Variants in HERC2 observed in about 807,000 individuals in gnomAD.
HERC2 encodes the protein HECT and RLD domain containing E3 ubiquitin protein ligase 2, also known as E3 ubiquitin-protein ligase HERC2.
In HERC2, 102 loss-of-function variants were observed where a neutral mutation model predicts 537.7. The observed-to-expected ratio is 0.19, with a 90% CI of 0.16 to 0.22. HERC2 has a LOEUF of 0.22. HERC2 is among the 10% of genes least tolerant of loss of function. HERC2 has a pLI of 1.00. For synonymous variants in HERC2, 2,224 were observed against 2,466.2 expected, an observed-to-expected ratio of 0.90 and a Z score of 2.91; for missense variants, 4,236 against 6,198.2, an observed-to-expected ratio of 0.68 and a Z score of 10.63.
rs1901605604 is a variant in HERC2, at chr15:28,229,512, A to G, written c.5068T>C (p.Tyr1690His). The G allele has an allele frequency of 6.2e-7, 1 of 1,613,884 alleles. No homozygotes were observed. Among genetic ancestry groups the G allele is most frequent in the East Asian group, 2.2e-5 (1 of 44,888 alleles). Residue 1690 changes from tyrosine (Y) to histidine (H), a missense_variant, in exon 33 of 93, where the codon TAT becomes CAT. By Grantham distance (83) the Tyr-to-His change is moderately conservative. Coordinates refer to ENST00000261609, the MANE Select transcript of HERC2 (RefSeq NM_004667.6). ...SKNFLLPSVQ[Y>H]AMFCGWQRLI... ...CTTTGCCATCCACAAAACATCGCATACTGCACAGATGGAAGTAAGAAATTC... is the reference window on the plus strand; with the variant it reads ...CTTTGCCATCCACAAAACATCGCATGCTGCACAGATGGAAGTAAGAAATTC...
chr15:28,246,115 G>T, intron 22 of HERC2, 49 bp from the exon 23 acceptor site: 1 of 1,255,492 alleles, frequency 8.0e-7, no homozygotes, highest in Non-Finnish European at 1.1e-6. Context: ...TCCTATAAAA[G>T]CTATTTGTAA....
At chr15:28,276,502 A>C (rs533545324) in intron 5 of HERC2, among the ~76,000 whole-genome samples, 190 of 152,280 alleles carry the variant, frequency 1.2e-3, no homozygotes, top group Middle Eastern at 6.8e-3. Context: ...TGGTCAGAGG[A>C]GGTGGGCCAG....
At chr15:28,261,496 A>G (rs930173120) in intron 15 of HERC2, among the ~76,000 whole-genome samples, 1 of 152,242 alleles carries the variant, frequency 6.6e-6, no homozygotes, top group Non-Finnish European at 1.5e-5. Context: ...AAATGTCAGT[A>G]TATAAAATAA....
chr15:28,229,238 A>C lies in HERC2; in HGVS notation c.5229T>G (p.Ile1743Met). 6.2e-7 allele frequency: 1 copy of C among 1,613,720 alleles called. No individual in the cohort carries two copies. The highest frequency in any genetic ancestry group is 8.5e-7 in the Non-Finnish European group (1 of 1,179,858). ...CACTGGCATCCATCAAAACATTTCG[A>C]ATGTTCTGTACAGCCCAAGCGTACA... ...GKLYAWAVQNIRNVLMDASAK... is the reference protein window; with the variant it reads ...GKLYAWAVQNMRNVLMDASAK... Residue 1743 changes from isoleucine to methionine, a missense_variant, in exon 34 of 93, where the codon ATT (isoleucine) becomes ATG (methionine). Physicochemically the swap from Ile to Met is conservative, Grantham distance 10. Around this residue, in one of 27 missense-constraint regions of HERC2, gnomAD observed 343 missense variants for 417.2 expected, o/e 0.82. Transcript: ENST00000261609.
chr15:28,128,554 T>C lies in HERC2; in HGVS notation c.12802+1609A>G, dbSNP rs141318794. The stretch of plus-strand genomic sequence containing the variant: ...GAAGTTGCTCATTCATCCATGAGCC[T>C]CTTCCCTCAATGAAATGATTAAAGG... On this transcript the variant is annotated intron_variant, in intron 83 of 92. Transcript: ENST00000261609. Among the ~76,000 whole-genome samples the C allele has an allele frequency of 4.1e-3, 632 of 152,356 alleles. 6 individuals are homozygous for C. The highest frequency in any genetic ancestry group is 0.014 in the African/African-American group (592 of 41,590).
At chr15:28,172,660 C>T (rs1894812998) in intron 65 of HERC2, among the ~76,000 whole-genome samples, 1 of 152,180 alleles carries the variant, frequency 6.6e-6, no homozygotes, top group Admixed American at 6.5e-5. Context: ...TACAAAACTT[C>T]TATAACAGAA....
intron 38 of HERC2, among the ~76,000 whole-genome samples, chr15:28,217,687 T>A (rs1198304246): frequency 1.3e-5 from 2 of 152,274 alleles, no homozygotes; most frequent in East Asian, 3.9e-4. Context: ...TCTGTAGACG[T>A]CATTAAGGTA....
chr15:28,311,136 G>C (rs898109036), intron 2 of HERC2, among the ~76,000 whole-genome samples: 2 of 131,004 alleles, frequency 1.5e-5, no homozygotes, highest in Non-Finnish European at 3.2e-5. Context: ...AAGAAAGGAT[G>C]ACAGTAGAAG....
At chr15:28,124,007 C>T in intron 85 of HERC2, 30 bp downstream of exon 85, 2 of 1,538,170 alleles carry the variant, frequency 1.3e-6, no homozygotes, top group Non-Finnish European at 1.8e-6. Context: ...ACACCAGTTT[C>T]CCCTAGAGCA....
chr15:28,201,305 G>T lies in HERC2; in HGVS notation c.7716+151C>A, dbSNP rs1897882882. ...TACACAGCACCTTCTAGCGTACCAT[G>T]AGCTCACTGGTCAGGTATGTCTTCC... On this transcript the variant is annotated intron_variant, in intron 48 of 92. Coordinates refer to ENST00000261609, the MANE Select transcript of HERC2 (RefSeq NM_004667.6). The T allele has an allele frequency of 6.4e-6, 4 of 628,090 alleles. No homozygotes were observed. In the East Asian group the frequency reaches 1.1e-4, roughly 17 times the overall value. The allele number at this position is 628,090 out of a possible 1,614,324, so 38.9% of individuals were successfully genotyped here. A position where few individuals can be genotyped will look rare whatever the true frequency, so the allele number is the denominator to read the frequency against.
intron 86 of HERC2, chr15:28,117,696 C>T (rs1888429369): frequency 1.3e-5 from 5 of 379,626 alleles, no homozygotes; most frequent in Admixed American, 1.2e-4. Flanking sequence ...CATCTGCTTC[C>T]ACCCATCCCA....
chr15:28,162,967 C>G lies in HERC2; in HGVS notation c.10746+127G>C. ...TTTGCTCTAAAGGAGTGCTCCTAAC[C>G]TGCAGTCTACTAGGATGAAACCCAG... On this transcript the variant is annotated intron_variant, in intron 69 of 92. Transcript: ENST00000261609. 6 of 763,042 alleles carry G rather than the reference C, an allele frequency of 7.9e-6. No individual in the cohort carries two copies. The East Asian group carries it at 1.5e-4, about 19-fold the overall frequency. 47.3% of individuals were successfully genotyped at this position (763,042 alleles called of 1,614,324 possible). A position where few individuals can be genotyped will look rare whatever the true frequency, so the allele number is the denominator to read the frequency against.
At chr15:28,317,392 G>A (rs536271174) in intron 2 of HERC2, among the ~76,000 whole-genome samples, 1 of 152,260 alleles carries the variant, frequency 6.6e-6, no homozygotes, top group Non-Finnish European at 1.5e-5. Context: ...CCCAGCCGAA[G>A]TGACAATATT....
intron 2 of HERC2, among the ~76,000 whole-genome samples, chr15:28,304,742 G>A (rs1394397425): frequency 7.1e-6 from 1 of 140,198 alleles, no homozygotes; most frequent in Non-Finnish European, 1.5e-5. Context: ...TAAGTTTTAG[G>A]GTACATGTGC....
At position 28,260,768 on chromosome 15, in the gene HERC2, A is replaced by G; in HGVS notation, c.2316+9T>C. On this transcript the variant is annotated intron_variant, in intron 16 of 92. Transcript: ENST00000261609. ...TCCAAAATACCAAATCAAGCTCTAT[A>G]TTCAGTACCTGGGCAGGCCCACAGG... is the stretch of plus-strand genomic sequence containing the variant. The G allele has an allele frequency of 1.2e-6, 2 of 1,611,940 alleles. No homozygotes were observed. The highest frequency in any genetic ancestry group is 1.7e-6 in the Non-Finnish European group (2 of 1,178,350).
chr15:28,244,795 A>T (rs1238717552), intron 23 of HERC2, among the ~76,000 whole-genome samples: 3 of 152,168 alleles, frequency 2.0e-5, no homozygotes, highest in Non-Finnish European at 4.4e-5. Context: ...TTTCCTCAGG[A>T]CAACTGCTAC....
At position 28,214,183 on chromosome 15, in the gene HERC2, G is replaced by C; in HGVS notation, c.6448C>G (p.Leu2150Val). The change falls in exon 41 of 93, where the codon CTG becomes GTG. Residue 2150 changes from leucine (L) to valine (V), a missense_variant. By Grantham distance (32) the Leu-to-Val change is conservative. Coordinates refer to ENST00000261609, the MANE Select transcript of HERC2 (RefSeq NM_004667.6). ...TGAGTCAGGGAGTGCAGCGTGCGCAGCAGTGCCACCACCTCCTCCGCCAGT... is the reference window on the plus strand; with the variant it reads ...TGAGTCAGGGAGTGCAGCGTGCGCACCAGTGCCACCACCTCCTCCGCCAGT... ...STLAEEVVAL[L>V]RTLHSLTQWN... 2 of 1,612,866 alleles carry C rather than the reference G, an allele frequency of 1.2e-6. No individual in the cohort carries two copies. Among genetic ancestry groups the C allele is most frequent in the Non-Finnish European group, 1.7e-6 (2 of 1,179,930 alleles).
intron 15 of HERC2, 71 bp from the exon 16 acceptor site, chr15:28,261,041 G>C: frequency 8.5e-7 from 1 of 1,173,360 alleles, no homozygotes; most frequent in Non-Finnish European, 1.2e-6. Context: ...TATTTCCTAG[G>C]CCATTCAGGT....
At chr15:28,112,132 T>C in intron 92 of HERC2, 97 bp from the exon 93 acceptor site, 1 of 1,239,438 alleles carries the variant, frequency 8.1e-7, no homozygotes, top group Non-Finnish European at 1.1e-6. Flanking sequence ...AACCATATTT[T>C]TTGCTAAGAA....
Sources: gnomAD v4.1 joint callset for allele counts (sites outside exome capture counted in the v4.1 genomes callset) on GRCh38, gnomAD v4.1.1 for gene constraint, gnomAD v4.1.1 regional missense constraint, MANE v1.5 for transcripts, NCBI Gene and HGNC (gene_info 2026-07-23, HGNC 2026-07-21) for gene names.